OPCML: variants seen among roughly 807,000 people sequenced by gnomAD.
OPCML encodes the protein opioid binding protein/cell adhesion molecule like.
In OPCML, 13 loss-of-function variants were observed where a neutral mutation model predicts 37.8. The observed-to-expected ratio is 0.34, with a 90% CI of 0.22 to 0.55. The LOEUF (loss-of-function observed/expected upper bound fraction) is 0.55, where lower values mean the gene tolerates loss of function less well. OPCML is among the 20% of genes least tolerant of loss of function. OPCML has a pLI of 0.91. For synonymous variants in OPCML, 176 were observed against 168.8 expected (o/e 1.04, Z -0.33); for missense variants, 341 against 435.6 (o/e 0.78, Z 1.93).
chr11:132,707,321 G>A (rs1414166189), intron 2 of OPCML, among the ~76,000 whole-genome samples: 2 of 152,176 alleles, frequency 1.3e-5, no homozygotes, highest in Non-Finnish European at 2.9e-5. Flanking sequence ...CCTTTCATCA[G>A]CTCCAGCAGA....
At chr11:132,756,388 A>T (rs1565837129) in intron 2 of OPCML, among the ~76,000 whole-genome samples, 1 of 152,184 alleles carries the variant, frequency 6.6e-6, no homozygotes, top group Non-Finnish European at 1.5e-5. Flanking sequence ...CTTGGCAGCA[A>T]AAACAAACAG....
intron 1 of OPCML, among the ~76,000 whole-genome samples, chr11:133,497,163 C>T (rs1178989507): frequency 1.3e-5 from 2 of 152,066 alleles, no homozygotes; most frequent in Non-Finnish European, 1.5e-5. Flanking sequence ...TATGTTTGGT[C>T]GTTTAACATA....
intron 4 of OPCML, among the ~76,000 whole-genome samples, chr11:132,483,562 A>T (rs1160652803): frequency 6.6e-6 from 1 of 152,166 alleles, no homozygotes; most frequent in East Asian, 1.9e-4. Flanking sequence ...ATTGGAAAAA[A>T]CTACTTTAAA....
At chr11:133,446,324 G>T (rs936919008) in intron 1 of OPCML, among the ~76,000 whole-genome samples, 1 of 152,142 alleles carries the variant, frequency 6.6e-6, no homozygotes. Flanking sequence ...TTAGATATTT[G>T]CAGGGTTTTA....
In OPCML at chr11:132,746,024, G is replaced by A. The variant is rs149641160; in HGVS notation, c.147-88705C>T. 1.6e-4 allele frequency among the ~76,000 whole-genome samples: 24 copies of A among 152,230 alleles called. No homozygotes were observed. The East Asian group carries it at 3.9e-3, about 25-fold the overall frequency. ...GGGACAGCTGGACAGGCCCAGCAGG[G>A]CTCTGCTCTGAGCAGCTGTGGAGGC... On this transcript the variant is annotated intron_variant, in intron 2 of 7. Transcript: ENST00000524381.
intron 4 of OPCML, among the ~76,000 whole-genome samples, chr11:132,508,119 C>T (rs935726388): frequency 3.3e-5 from 5 of 152,142 alleles, no homozygotes; most frequent in South Asian, 4.2e-4. Flanking sequence ...GCAAAGTAAC[C>T]GTTAACCATT....
chr11:133,273,686 G>T (rs757567620), intron 1 of OPCML, among the ~76,000 whole-genome samples: 1 of 152,090 alleles, frequency 6.6e-6, no homozygotes, highest in East Asian at 1.9e-4. Flanking sequence ...TCTTCCTTCC[G>T]CAGGAAGAAG....
intron 4 of OPCML, among the ~76,000 whole-genome samples, chr11:132,509,729 G>C (rs759122700): frequency 1.9e-4 from 29 of 152,230 alleles, no homozygotes; most frequent in Non-Finnish European, 3.2e-4. Flanking sequence ...CTTTCACCTA[G>C]ATTTCAGAAG....
chr11:133,431,906 C>T (rs1591492229), intron 1 of OPCML, among the ~76,000 whole-genome samples: 1 of 151,422 alleles, frequency 6.6e-6, no homozygotes, highest in East Asian at 1.9e-4. Flanking sequence ...TTGACATATA[C>T]AGGTAAAAAA....
intron 1 of OPCML, among the ~76,000 whole-genome samples, chr11:133,308,899 C>A (rs1025728550): frequency 1.3e-5 from 2 of 152,090 alleles, no homozygotes; most frequent in Admixed American, 6.6e-5. Flanking sequence ...AAAATTGGAG[C>A]AACTTGAAAA....
chr11:132,860,863 T>G (rs193125574), intron 2 of OPCML: 3 of 152,202 alleles, frequency 2.0e-5, no homozygotes, highest in Non-Finnish European at 4.4e-5. Flanking sequence ...TATGACATAA[T>G]AGAAGGCATT....
At chr11:132,842,860 G>C (rs566220555) in intron 2 of OPCML, among the ~76,000 whole-genome samples, 76 of 152,278 alleles carry the variant, frequency 5.0e-4, no homozygotes, top group African/African-American at 1.8e-3. Context: ...AAAATGTTAG[G>C]TGATGCTACG....
chr11:133,326,936 G>A (rs1428681769), intron 1 of OPCML, among the ~76,000 whole-genome samples: 2 of 147,112 alleles, frequency 1.4e-5, no homozygotes, highest in Admixed American at 6.8e-5. Flanking sequence ...TGTGTGTGGG[G>A]CGTGGGTGGG....
At chr11:132,491,232 T>C (rs932783225) in intron 4 of OPCML, among the ~76,000 whole-genome samples, 2 of 152,080 alleles carry the variant, frequency 1.3e-5, no homozygotes, top group South Asian at 4.1e-4. Flanking sequence ...TTTTAAAGAG[T>C]GAGTCAGCTG....
rs569264088 is a variant in OPCML, at chr11:132,840,942, C to T, written c.146+101984G>A. On this transcript the variant is annotated intron_variant, in intron 2 of 7. Coordinates refer to ENST00000524381, the MANE Select transcript of OPCML (RefSeq NM_001012393.5). Reference sequence around the variant, plus strand: ...AGAGCCCAGGGCCCAGGTGGACCTCCAGAGCGAGCTCACATGGGACACTGC... The same window carrying T: ...AGAGCCCAGGGCCCAGGTGGACCTCTAGAGCGAGCTCACATGGGACACTGC... Among the ~76,000 whole-genome samples, 10 of 152,110 alleles carry T rather than the reference C, an allele frequency of 6.6e-5. No individual in the cohort carries two copies. The South Asian group carries it at 2.1e-3, about 32-fold the overall frequency.
intron 1 of OPCML, among the ~76,000 whole-genome samples, chr11:133,403,075 C>T (rs1008650895): frequency 1.3e-5 from 2 of 152,100 alleles, no homozygotes; most frequent in Non-Finnish European, 2.9e-5. Context: ...ATAAGAGATG[C>T]CAAATTTTTG....
chr11:133,038,826 CAA>C (rs11429741), intron 1 of OPCML, among the ~76,000 whole-genome samples: 1 of 143,860 alleles, frequency 7.0e-6, no homozygotes, highest in African/African-American at 2.5e-5. Context: ...TCTATGTTGC[CAA>C]AAAAAAAAAA....
At chr11:133,009,491 C>A (rs553996626) in intron 1 of OPCML, among the ~76,000 whole-genome samples, 1 of 152,298 alleles carries the variant, frequency 6.6e-6, no homozygotes, top group African/African-American at 2.4e-5. Context: ...CAGTTTAATT[C>A]AGTAGCCATA....
At chr11:132,648,848 A>AT (rs911642179) in intron 3 of OPCML, among the ~76,000 whole-genome samples, 16 of 150,508 alleles carry the variant, frequency 1.1e-4, no homozygotes, top group East Asian at 5.8e-4. Flanking sequence ...CCAGAGTCAC[A>AT]TTTTTTTTTG....
Sources: allele counts gnomAD v4.1 joint callset (sites outside exome capture counted in the v4.1 genomes callset), GRCh38; gene constraint gnomAD v4.1.1; transcripts MANE v1.5; gene names NCBI Gene and HGNC (gene_info 2026-07-23, HGNC 2026-07-21).